SCN8A: variants seen among roughly 807,000 people sequenced by gnomAD.
SCN8A encodes sodium voltage-gated channel alpha subunit 8, also known as sodium channel protein type 8 subunit alpha.
SCN8A carries 30 observed loss-of-function variants against 184.1 expected under a neutral mutation model. The observed-to-expected ratio is 0.16, with a 90% CI of 0.12 to 0.22. The LOEUF (loss-of-function observed/expected upper bound fraction) is 0.22. Among genes scored for constraint, SCN8A ranks in the 10% least tolerant of loss-of-function variants. The pLI, the probability that SCN8A is intolerant of heterozygous loss-of-function variation, is 1.00. For synonymous variants in SCN8A, 852 were observed against 907.0 expected, an observed-to-expected ratio of 0.94 and a Z score of 1.09; for missense variants, 1,057 against 2,498.9, an observed-to-expected ratio of 0.42 and a Z score of 12.30.
At chr12:51,701,500 T>C (rs930259787) in intron 8 of SCN8A, among the ~76,000 whole-genome samples, 11 of 152,266 alleles carry the variant, frequency 7.2e-5, no homozygotes, top group Non-Finnish European at 1.3e-4. Flanking sequence ...TCTCATCCTA[T>C]AGTACAATAG....
chr12:51,709,212 A>C (rs1341757542), intron 11 of SCN8A, among the ~76,000 whole-genome samples: 1 of 152,234 alleles, frequency 6.6e-6, no homozygotes, highest in African/African-American at 2.4e-5. Flanking sequence ...AGTTTGAATT[A>C]TTTGTTGGAT....
chr12:51,676,136 G>T (rs986286597), intron 2 of SCN8A, among the ~76,000 whole-genome samples: 2 of 151,970 alleles, frequency 1.3e-5, no homozygotes, highest in Non-Finnish European at 2.9e-5. Context: ...ACACGCCTAG[G>T]GAAGAATTTT....
intron 1 of SCN8A, among the ~76,000 whole-genome samples, chr12:51,605,577 T>C (rs1939571504): frequency 6.6e-6 from 1 of 152,238 alleles, no homozygotes; most frequent in African/African-American, 2.4e-5. Flanking sequence ...ATCTTTTTCA[T>C]ATAATGACTT....
At chr12:51,790,370 TTGTC>T in intron 24 of SCN8A, 24 bp from the exon 25 acceptor site, 1 of 1,524,886 alleles carries the variant, frequency 6.6e-7, no homozygotes, top group Admixed American at 1.8e-5. Context: ...CCAGTTGTAA[TTGTC>T]TGTTTTCTTC....
chr12:51,781,654 A>G (rs796887515), intron 21 of SCN8A, among the ~76,000 whole-genome samples: 2 of 151,134 alleles, frequency 1.3e-5, no homozygotes, highest in East Asian at 1.9e-4. Flanking sequence ...GTGCACGCGC[A>G]CGCACGCGCA....
intron 20 of SCN8A, among the ~76,000 whole-genome samples, chr12:51,777,071 T>G (rs763886767): frequency 3.9e-5 from 6 of 152,224 alleles, no homozygotes; most frequent in Non-Finnish European, 8.8e-5. Flanking sequence ...TCCCACTGTA[T>G]GTGGAGATCA....
chr12:51,794,613 C>T lies in SCN8A; in HGVS notation c.4767C>T (p.Asp1589=), dbSNP rs1938356938. The T allele has an allele frequency of 6.2e-7, 1 of 1,613,902 alleles. No homozygotes were observed. Among genetic ancestry groups the T allele is most frequent in the Non-Finnish European group, 8.5e-7 (1 of 1,179,870 alleles). ...TCACCATTGGCTGGAACATCTTCGA[C>T]TTCGTGGTAGTCATCCTCTCCATTG... is the stretch of plus-strand genomic sequence containing the variant. ...YYFTIGWNIF[D]FVVVILSIVG... The change falls in exon 26 of 27, where the codon GAC becomes GAT. Residue 1589 remains aspartate (D), a synonymous_variant. Coordinates refer to ENST00000627620, the MANE Select transcript of SCN8A (RefSeq NM_001330260.2).
intron 6 of SCN8A, among the ~76,000 whole-genome samples, chr12:51,695,876 G>A (rs1306259516): frequency 6.6e-6 from 1 of 152,164 alleles, no homozygotes; most frequent in African/African-American, 2.4e-5. Flanking sequence ...GAGAGAAGGT[G>A]ACCTTGTACA....
At chr12:51,697,032 C>T in intron 6 of SCN8A, among the ~76,000 whole-genome samples, 1 of 103,848 alleles carries the variant, frequency 9.6e-6, no homozygotes. Flanking sequence ...GAGCGAGAAT[C>T]CGACTCAAAA....
In SCN8A at chr12:51,730,856, C is replaced by T. The variant is rs1350165778; in HGVS notation, c.1998+8948C>T. Among the ~76,000 whole-genome samples, 4 of 152,284 alleles carry T rather than the reference C, an allele frequency of 2.6e-5. No homozygotes were observed. In the East Asian group the frequency reaches 7.7e-4, roughly 29 times the overall value. On this transcript the variant is annotated intron_variant, in intron 12 of 26. Coordinates refer to ENST00000627620, the MANE Select transcript of SCN8A (RefSeq NM_001330260.2). ...TAACTACCTCCATCTCCCCGCTACC[C>T]TTCCCCACTACCCTTCCCAGCCTTT...
At chr12:51,793,996 A>C (rs1267130645) in intron 25 of SCN8A, among the ~76,000 whole-genome samples, 1 of 152,096 alleles carries the variant, frequency 6.6e-6, no homozygotes, top group East Asian at 1.9e-4. Context: ...AATACAAAAA[A>C]TTAGCCGGAC....
At chr12:51,630,522 C>G (rs934595001) in intron 1 of SCN8A, among the ~76,000 whole-genome samples, 3 of 152,092 alleles carry the variant, frequency 2.0e-5, no homozygotes, top group Non-Finnish European at 4.4e-5. Flanking sequence ...TCAGTGGACA[C>G]TTTAGGTTAC....
At chr12:51,634,158 C>T (rs1940261802) in intron 1 of SCN8A, among the ~76,000 whole-genome samples, 1 of 152,084 alleles carries the variant, frequency 6.6e-6, no homozygotes, top group African/African-American at 2.4e-5. Flanking sequence ...AAATAAATGT[C>T]AAACATAATG....
intron 1 of SCN8A, among the ~76,000 whole-genome samples, chr12:51,633,460 T>C (rs1005407235): frequency 4.0e-5 from 6 of 149,056 alleles, no homozygotes; most frequent in African/African-American, 1.6e-4. Flanking sequence ...CTTCATCAAC[T>C]GTTTGGCCGA....
In SCN8A at chr12:51,790,571, C is replaced by T. The variant is rs1482915395; in HGVS notation, c.4524+69C>T. On this transcript the variant is annotated intron_variant, in intron 25 of 26. Transcript: ENST00000627620. ...AGGAAAAGTACTAGTAGAGTTACTG[C>T]AAAGGAAGGAAAAAGGTAAGTGATT... 1.2e-5 allele frequency: 12 copies of T among 1,022,858 alleles called. No individual in the cohort carries two copies. In the South Asian group the frequency reaches 1.8e-4, roughly 15 times the overall value. The allele number at this position is 1,022,858 out of a possible 1,614,324, so 63.4% of individuals were successfully genotyped here. A position where few individuals can be genotyped will look rare whatever the true frequency, so the allele number is the denominator to read the frequency against.
intron 2 of SCN8A, among the ~76,000 whole-genome samples, chr12:51,673,152 AAG>A (rs1357807373): frequency 1.3e-5 from 2 of 152,128 alleles, no homozygotes; most frequent in Non-Finnish European, 2.9e-5. Flanking sequence ...TTGGGGAAAA[AAG>A]CACATCTGTA....
At chr12:51,759,998 A>G (rs987354001) in intron 14 of SCN8A, among the ~76,000 whole-genome samples, 1 of 152,190 alleles carries the variant, frequency 6.6e-6, no homozygotes, top group African/African-American at 2.4e-5. Context: ...TGAGATAACC[A>G]GCCCACTCCT....
In SCN8A at chr12:51,705,443, C is replaced by T; in HGVS notation, c.1161C>T (p.Tyr387=). Residue 387 remains tyrosine (Y), a synonymous_variant, in exon 10 of 27, where the codon TAC becomes TAT. Coordinates refer to ENST00000627620, the MANE Select transcript of SCN8A (RefSeq NM_001330260.2). ...QLTLRAAGKT[Y]MIFFVLVIFV... is the part of the protein sequence containing the mutation. ...CTTTACGAGCAGCCGGGAAAACATA[C>T]ATGATCTTCTTCGTCTTGGTCATCT... The T allele has an allele frequency of 6.2e-7, 1 of 1,613,966 alleles. No homozygotes were observed. Among genetic ancestry groups the T allele is most frequent in the Non-Finnish European group, 8.5e-7 (1 of 1,179,850 alleles).
intron 1 of SCN8A, among the ~76,000 whole-genome samples, chr12:51,651,608 A>G (rs1940716370): frequency 6.6e-6 from 1 of 152,236 alleles, no homozygotes; most frequent in Non-Finnish European, 1.5e-5. Context: ...CTATGAGAAC[A>G]GTATGGGGGA....
Sources: allele counts gnomAD v4.1 joint callset (sites outside exome capture counted in the v4.1 genomes callset), GRCh38; gene constraint gnomAD v4.1.1; transcripts MANE v1.5; gene names NCBI Gene and HGNC (gene_info 2026-07-23, HGNC 2026-07-21).